SLCO2A1: variants seen among roughly 807,000 people sequenced by gnomAD.
The protein encoded by SLCO2A1 is solute carrier organic anion transporter family member 2A1.
In SLCO2A1, 60 loss-of-function variants were observed where a neutral mutation model predicts 71.7. That is an observed-to-expected ratio of 0.84 (90% CI 0.68 to 1.04). SLCO2A1 has a LOEUF of 1.04. SLCO2A1 is among the 50% of genes least tolerant of loss of function. The pLI, the probability that SLCO2A1 is intolerant of heterozygous loss-of-function variation, is 0.00. For synonymous variants in SLCO2A1, 308 were observed against 326.7 expected, an observed-to-expected ratio of 0.94 and a Z score of 0.62; for missense variants, 745 against 813.4, an observed-to-expected ratio of 0.92 and a Z score of 1.02.
At chr3:133,980,824 A>C (rs1245508419) in intron 1 of SLCO2A1, among the ~76,000 whole-genome samples, 2 of 152,180 alleles carry the variant, frequency 1.3e-5, no homozygotes, top group Admixed American at 1.3e-4. Flanking sequence ...CCATGTGTCC[A>C]TGCTCACAGC....
chr3:133,967,669 C>G (rs1244409955), intron 3 of SLCO2A1, among the ~76,000 whole-genome samples: 1 of 152,016 alleles, frequency 6.6e-6, no homozygotes, highest in Non-Finnish European at 1.5e-5. Flanking sequence ...AATAGATCCA[C>G]TGGCCAGGTT....
chr3:133,954,156 T>G (rs1165798314), intron 4 of SLCO2A1, among the ~76,000 whole-genome samples: 2 of 61,522 alleles, frequency 3.3e-5, no homozygotes, highest in Admixed American at 3.3e-4. Context: ...GTGTGTTCTT[T>G]TTTTTTTTTT....
At chr3:133,996,596 C>T (rs780762747) in intron 1 of SLCO2A1, among the ~76,000 whole-genome samples, 6 of 152,166 alleles carry the variant, frequency 3.9e-5, no homozygotes, top group Non-Finnish European at 8.8e-5. Flanking sequence ...TGCTGACAGA[C>T]ACACCTTCTG....
intron 1 of SLCO2A1, among the ~76,000 whole-genome samples, chr3:134,015,353 C>A (rs1455692713): frequency 6.8e-6 from 1 of 147,942 alleles, no homozygotes; most frequent in Non-Finnish European, 1.5e-5. Flanking sequence ...AGACAAATAC[C>A]TCATGATCTG....
chr3:133,980,641 C>T (rs1934567819), intron 1 of SLCO2A1, among the ~76,000 whole-genome samples: 1 of 152,258 alleles, frequency 6.6e-6, no homozygotes, highest in Admixed American at 6.5e-5. Flanking sequence ...GAATGAACAG[C>T]TGCCATCACA....
At chr3:133,978,961 GC>G (rs1934521378) in intron 2 of SLCO2A1, among the ~76,000 whole-genome samples, 1 of 152,170 alleles carries the variant, frequency 6.6e-6, no homozygotes, top group African/African-American at 2.4e-5. Flanking sequence ...GGGAGTCAAG[GC>G]CATTAAGAGC....
chr3:133,953,815 G>T, intron 4 of SLCO2A1, 54 bp from the exon 5 acceptor site: 1 of 1,446,580 alleles, frequency 6.9e-7, no homozygotes, highest in Non-Finnish European at 9.7e-7. Context: ...GAGTTTGGCA[G>T]CCTTGGGCTC....
At chr3:134,009,185 A>G (rs779622926) in intron 1 of SLCO2A1, among the ~76,000 whole-genome samples, 7 of 152,216 alleles carry the variant, frequency 4.6e-5, no homozygotes, top group Non-Finnish European at 8.8e-5. Flanking sequence ...AGAAAATGGA[A>G]AACACTGAAA....
chr3:133,942,597 C>G lies in SLCO2A1; in HGVS notation c.1625+8G>C, dbSNP rs1201137598. 1 of 1,600,864 alleles carries G rather than the reference C, an allele frequency of 6.2e-7. No individual in the cohort carries two copies. Among genetic ancestry groups the G allele is most frequent in the African/African-American group, 1.3e-5 (1 of 74,472 alleles). On this transcript the variant is annotated splice_region_variant and intron_variant, in intron 11 of 13. Transcript: ENST00000310926. ...CACGCCCCAGACTCACAGAGGTTTGCCACTCACCGCAGAACCATCATGTAG... is the reference window on the plus strand; with the variant it reads ...CACGCCCCAGACTCACAGAGGTTTGGCACTCACCGCAGAACCATCATGTAG...
intron 12 of SLCO2A1, 44 bp from the exon 13 acceptor site, chr3:133,935,941 C>T: frequency 2.0e-6 from 3 of 1,507,516 alleles, no homozygotes; most frequent in Non-Finnish European, 2.7e-6. Context: ...GAACTGCAGG[C>T]AGAGGTGTCC....
At position 133,934,706 on chromosome 3, in the gene SLCO2A1, G is replaced by A. The variant is rs762638072; in HGVS notation, c.*7C>T. The A allele has an allele frequency of 2.5e-6, 4 of 1,604,466 alleles. No individual in the cohort carries two copies. ...TCTCTGGAGCAGGGCAGTGGCCCAG[G>A]GTGGGGTCAGATGAGGCCTGCCGCC... On this transcript the variant is annotated 3_prime_UTR_variant, in exon 14 of 14. Transcript: ENST00000310926.
intron 1 of SLCO2A1, among the ~76,000 whole-genome samples, chr3:134,014,737 T>G (rs961091262): frequency 6.6e-6 from 1 of 152,144 alleles, no homozygotes; most frequent in Non-Finnish European, 1.5e-5. Flanking sequence ...CTGAGAGATG[T>G]TCCGTGGTCA....
intron 12 of SLCO2A1, among the ~76,000 whole-genome samples, chr3:133,936,582 G>C (rs115720008): frequency 8.5e-5 from 13 of 152,266 alleles, no homozygotes; most frequent in Non-Finnish European, 1.6e-4. Context: ...CTACCTGTGG[G>C]TAGCGTACCA....
chr3:134,011,641 A>G (rs1935347952), intron 1 of SLCO2A1, among the ~76,000 whole-genome samples: 1 of 152,220 alleles, frequency 6.6e-6, no homozygotes, highest in African/African-American at 2.4e-5. Context: ...GCCCTGGAGC[A>G]CAGGCTGGGA....
rs1048562799 is a variant in SLCO2A1, at chr3:133,979,508, T to C, written c.207A>G (p.Ser69=). ...CATTCAAGCTGGAAATGAGACCCGATGAAGAACTGGAGAGCCCAAAGCGCT... is the reference window on the plus strand; with the variant it reads ...CATTCAAGCTGGAAATGAGACCCGACGAAGAACTGGAGAGCCCAAAGCGCT... ...IEKRFGLSSS[S]SGLISSLNEI... is the part of the protein sequence containing the mutation. The change falls in exon 2 of 14, where the codon TCA becomes TCG. Residue 69 remains serine (S), a synonymous_variant. Coordinates refer to ENST00000310926, the MANE Select transcript of SLCO2A1 (RefSeq NM_005630.3). 4.3e-6 allele frequency: 7 copies of C among 1,614,142 alleles called. No individual in the cohort carries two copies. The highest frequency in any genetic ancestry group is 2.2e-5 in the East Asian group (1 of 44,872).
chr3:133,936,570 C>T (rs75245699), intron 12 of SLCO2A1, among the ~76,000 whole-genome samples: 2,833 of 152,272 alleles, frequency 0.019, 85 homozygotes, highest in African/African-American at 0.065. Flanking sequence ...CCGGATGCCA[C>T]ACTACCTGTG....
At position 133,973,779 on chromosome 3, in the gene SLCO2A1, C is replaced by G; in HGVS notation, c.281G>C (p.Arg94Pro). Reference protein sequence around the residue: ...LIIFVSYFGSRVHRPRLIGIG... With the variant: ...LIIFVSYFGSPVHRPRLIGIG... ...GCCAATCAGACGTGGACGGTGCACC[C>G]GGCTGCCAAAGTAGCTGACAAAGAT... The change falls in exon 3 of 14, where the codon CGG becomes CCG. Residue 94 changes from arginine (R) to proline (P), a missense_variant. Coordinates refer to ENST00000310926, the MANE Select transcript of SLCO2A1 (RefSeq NM_005630.3). The G allele has an allele frequency of 6.2e-7, 1 of 1,613,902 alleles. No homozygotes were observed. The highest frequency in any genetic ancestry group is 8.5e-7 in the Non-Finnish European group (1 of 1,179,974).
chr3:133,970,814 T>G (rs1934305443), intron 3 of SLCO2A1, among the ~76,000 whole-genome samples: 1 of 152,248 alleles, frequency 6.6e-6, no homozygotes, highest in South Asian at 2.1e-4. Context: ...TGGCCTATGG[T>G]GCGCCCCTGC....
intron 2 of SLCO2A1, among the ~76,000 whole-genome samples, chr3:133,975,835 TC>T (rs1242034935): frequency 6.6e-6 from 1 of 152,226 alleles, no homozygotes; most frequent in Non-Finnish European, 1.5e-5. Context: ...TTCTCTGACC[TC>T]GTCATTTAAA....
Sources: allele counts gnomAD v4.1 joint callset (sites outside exome capture counted in the v4.1 genomes callset), GRCh38; gene constraint gnomAD v4.1.1; transcripts MANE v1.5; gene names NCBI Gene and HGNC (gene_info 2026-07-23, HGNC 2026-07-21).